The following SLC17A8 variants were observed in gnomAD, a reference collection of about 807,000 sequenced individuals.
SLC17A8 encodes the protein vesicular glutamate transporter 3.
In SLC17A8, 31 loss-of-function variants were observed where a neutral mutation model predicts 58.0. That is an observed-to-expected ratio of 0.53 (90% CI 0.40 to 0.72). The LOEUF (loss-of-function observed/expected upper bound fraction) is 0.72, where lower values mean the gene tolerates loss of function less well. Ranked by LOEUF, SLC17A8 falls within the 30% of genes least tolerant of loss-of-function variation. The pLI is 0.00. For missense variants in SLC17A8, 655 were observed against 727.8 expected (o/e 0.90, Z 1.15); for synonymous variants, 228 against 249.0 (o/e 0.92, Z 0.79).
intron 9 of SLC17A8, among the ~76,000 whole-genome samples, chr12:100,405,707 A>T (rs1029559902): frequency 6.6e-6 from 1 of 152,178 alleles, no homozygotes; most frequent in Non-Finnish European, 1.5e-5. Flanking sequence ...ACTGTACAAT[A>T]GTGCAGAGAG....
intron 2 of SLC17A8, 126 bp downstream of exon 2, chr12:100,381,079 C>T: frequency 2.8e-6 from 3 of 1,064,706 alleles, no homozygotes; most frequent in Admixed American, 1.8e-5. Flanking sequence ...TGAAATTAAC[C>T]TCCCATCTCA....
At chr12:100,388,868 C>T (rs920725400) in intron 2 of SLC17A8, among the ~76,000 whole-genome samples, 1 of 152,176 alleles carries the variant, frequency 6.6e-6, no homozygotes, top group East Asian at 1.9e-4. Flanking sequence ...TGTTCCCAGG[C>T]GTTTGATTTA....
At chr12:100,369,718 G>A (rs1269704275) in intron 1 of SLC17A8, among the ~76,000 whole-genome samples, 1 of 152,164 alleles carries the variant, frequency 6.6e-6, no homozygotes, top group African/African-American at 2.4e-5. Flanking sequence ...TGCTGCTCCA[G>A]CAAGATTCAA....
At chr12:100,375,204 C>G (rs1952586703) in intron 1 of SLC17A8, among the ~76,000 whole-genome samples, 1 of 150,804 alleles carries the variant, frequency 6.6e-6, no homozygotes, top group Non-Finnish European at 1.5e-5. Flanking sequence ...CTCACTGCAG[C>G]CTCAAACTCT....
intron 10 of SLC17A8, among the ~76,000 whole-genome samples, chr12:100,415,086 C>T (rs946044004): frequency 6.6e-6 from 1 of 152,176 alleles, no homozygotes; most frequent in Admixed American, 6.5e-5. Context: ...TCCTTTCCCC[C>T]GATTGCCAAT....
chr12:100,380,201 C>T lies in SLC17A8; in HGVS notation c.102-500C>T, dbSNP rs1017276091. ...GCAACGGGCAACAAAAGCAAAACTCCGTCTCAAAAAAAAAAAAAAAGACTT... is the reference window on the plus strand; with the variant it reads ...GCAACGGGCAACAAAAGCAAAACTCTGTCTCAAAAAAAAAAAAAAAGACTT... On this transcript the variant is annotated intron_variant, in intron 1 of 11. Transcript: ENST00000323346. Among the ~76,000 whole-genome samples the T allele has an allele frequency of 1.8e-4, 14 of 79,014 alleles. 1 individual carries two copies. The highest frequency in any genetic ancestry group is 8.7e-4 in the African/African-American group (11 of 12,662). The allele number at this position is 79,014 out of a possible 152,430, so 51.8% of individuals were successfully genotyped here.
At chr12:100,372,818 G>T (rs1952567270) in intron 1 of SLC17A8, among the ~76,000 whole-genome samples, 1 of 152,150 alleles carries the variant, frequency 6.6e-6, no homozygotes, top group Non-Finnish European at 1.5e-5. Flanking sequence ...TCCTGCCTCA[G>T]CGTCCCAAAC....
chr12:100,400,360 G>T (rs1386113801), intron 5 of SLC17A8, among the ~76,000 whole-genome samples: 2 of 152,128 alleles, frequency 1.3e-5, no homozygotes, highest in Non-Finnish European at 2.9e-5. Flanking sequence ...GATAATAGCG[G>T]TAATAGCTGG....
At chr12:100,401,558 C>G (rs892456575) in intron 5 of SLC17A8, among the ~76,000 whole-genome samples, 2 of 152,026 alleles carry the variant, frequency 1.3e-5, no homozygotes, top group African/African-American at 4.8e-5. Context: ...TTGTCTAAAT[C>G]CTGTGTGGTC....
intron 4 of SLC17A8, among the ~76,000 whole-genome samples, chr12:100,394,170 CA>C (rs1474893886): frequency 6.6e-6 from 1 of 152,042 alleles, no homozygotes; most frequent in African/African-American, 2.4e-5. Context: ...GATGGTGAAC[CA>C]ATTGGCCCAT....
chr12:100,398,801 C>G (rs1336741091), intron 5 of SLC17A8, among the ~76,000 whole-genome samples: 1 of 152,106 alleles, frequency 6.6e-6, no homozygotes, highest in Non-Finnish European at 1.5e-5. Context: ...TTGATTGAAT[C>G]ATGGGGGTGG....
At chr12:100,377,074 T>C (rs1022957081) in intron 1 of SLC17A8, among the ~76,000 whole-genome samples, 1 of 152,170 alleles carries the variant, frequency 6.6e-6, no homozygotes, top group Non-Finnish European at 1.5e-5. Context: ...CTTCTCAAAG[T>C]GCTGGGATTA....
intron 1 of SLC17A8, among the ~76,000 whole-genome samples, chr12:100,363,529 G>A (rs1261533604): frequency 6.6e-6 from 1 of 152,054 alleles, no homozygotes; most frequent in Non-Finnish European, 1.5e-5. Flanking sequence ...ACCATGCCCG[G>A]CTAATTTTGT....
intron 1 of SLC17A8, among the ~76,000 whole-genome samples, chr12:100,368,674 A>G (rs1408648728): frequency 6.6e-6 from 1 of 152,148 alleles, no homozygotes; most frequent in East Asian, 1.9e-4. Flanking sequence ...TGCTCCCAGT[A>G]TCTTTTCTTA....
chr12:100,399,737 G>T (rs1464072818), intron 5 of SLC17A8, among the ~76,000 whole-genome samples: 1 of 152,178 alleles, frequency 6.6e-6, no homozygotes, highest in African/African-American at 2.4e-5. Flanking sequence ...AACACATGGG[G>T]ATTACAATTT....
At chr12:100,365,995 G>T (rs762521712) in intron 1 of SLC17A8, among the ~76,000 whole-genome samples, 2 of 150,122 alleles carry the variant, frequency 1.3e-5, no homozygotes, top group South Asian at 2.1e-4. Context: ...AGACAGGCAA[G>T]CTATGTACAT....
chr12:100,416,131 A>G (rs1389533175), intron 10 of SLC17A8, among the ~76,000 whole-genome samples: 2 of 152,184 alleles, frequency 1.3e-5, no homozygotes, highest in African/African-American at 4.8e-5. Context: ...TAATTTTTTT[A>G]TCTGCTATAA....
intron 4 of SLC17A8, among the ~76,000 whole-genome samples, chr12:100,395,918 A>G (rs1283825628): frequency 3.4e-4 from 51 of 152,186 alleles, no homozygotes; most frequent in Admixed American, 3.3e-3. Flanking sequence ...TGGCCTAGAA[A>G]TGTATTTCTT....
intron 1 of SLC17A8, among the ~76,000 whole-genome samples, chr12:100,360,634 A>C (rs1379297977): frequency 6.6e-6 from 1 of 152,196 alleles, no homozygotes; most frequent in East Asian, 1.9e-4. Flanking sequence ...AGGCACAGAG[A>C]GGTTAAGTAG....
Sources: gnomAD v4.1 joint callset for allele counts (sites outside exome capture counted in the v4.1 genomes callset) on GRCh38, gnomAD v4.1.1 for gene constraint, MANE v1.5 for transcripts, NCBI Gene and HGNC (gene_info 2026-07-23, HGNC 2026-07-21) for gene names.